Variants in BANK1 observed in about 807,000 individuals in gnomAD.
BANK1 encodes the protein B-cell scaffold protein with ankyrin repeats.
BANK1 carries 95 observed loss-of-function variants against 94.5 expected under a neutral mutation model. The ratio of observed to expected loss-of-function variants is 1.00; its 90% CI spans 0.85 to 1.19. BANK1 has a LOEUF of 1.19. Among genes scored for constraint, BANK1 ranks in the 50% most tolerant of loss-of-function variants. BANK1 has a pLI of 0.00. For missense variants in BANK1, 987 were observed against 932.2 expected (o/e 1.06, Z -0.77); for synonymous variants, 334 against 308.4 (o/e 1.08, Z -0.87).
intron 7 of BANK1, chr4:101,981,943 A>T (rs2148927775): frequency 6.6e-6 from 1 of 152,210 alleles, no homozygotes; most frequent in South Asian, 2.1e-4. Flanking sequence ...AAGCTAAACT[A>T]GGTATGTGGT....
At chr4:102,006,810 A>T (rs1453582557) in intron 7 of BANK1, among the ~76,000 whole-genome samples, 1 of 151,150 alleles carries the variant, frequency 6.6e-6, no homozygotes, top group Admixed American at 6.6e-5. Context: ...CCTGGCCCAC[A>T]CTTGTTTAGC....
chr4:101,816,973 T>C (rs1725941136), intron 1 of BANK1, among the ~76,000 whole-genome samples: 1 of 152,084 alleles, frequency 6.6e-6, no homozygotes, highest in Non-Finnish European at 1.5e-5. Flanking sequence ...GGATCTCCTA[T>C]TGAGAGTTGC....
At chr4:101,877,915 C>G (rs7679882) in intron 5 of BANK1, among the ~76,000 whole-genome samples, 69,503 of 151,884 alleles carry the variant, frequency 0.46, 17,250 homozygotes, top group African/African-American at 0.66. Flanking sequence ...TACTTTCAAT[C>G]CTCTTGGTTA....
chr4:102,006,662 C>T (rs1726269699), intron 7 of BANK1, among the ~76,000 whole-genome samples: 1 of 151,940 alleles, frequency 6.6e-6, no homozygotes. Flanking sequence ...TTTACCCATT[C>T]ACAAACAATT....
chr4:101,932,954 T>C (rs1723406760), intron 7 of BANK1, among the ~76,000 whole-genome samples: 1 of 151,534 alleles, frequency 6.6e-6, no homozygotes, highest in Non-Finnish European at 1.5e-5. Context: ...GGCTGTCTGA[T>C]ATTACTGTCT....
intron 7 of BANK1, among the ~76,000 whole-genome samples, chr4:101,922,620 T>C (rs1307870372): frequency 6.6e-6 from 1 of 151,850 alleles, no homozygotes; most frequent in South Asian, 2.1e-4. Context: ...ATATTTCCTA[T>C]ACTTGGAATT....
chr4:101,928,278 G>C (rs1015442100), intron 7 of BANK1, among the ~76,000 whole-genome samples: 2 of 151,634 alleles, frequency 1.3e-5, no homozygotes, highest in African/African-American at 2.4e-5. Context: ...GGAAACAAGA[G>C]TGAAGCATGA....
Position 101,900,024 on chromosome 4 carries a change from A to C in BANK1, c.1009+4614A>C, listed in dbSNP as rs975022265. On this transcript the variant is annotated intron_variant, in intron 6 of 16. Coordinates refer to ENST00000322953, the MANE Select transcript of BANK1 (RefSeq NM_017935.5). ...CTCTCAGCCCAATTCCATTACCATAACAACACATATTCTGAAATAATAGAG... is the reference window on the plus strand; with the variant it reads ...CTCTCAGCCCAATTCCATTACCATACCAACACATATTCTGAAATAATAGAG... 4.6e-5 allele frequency among the ~76,000 whole-genome samples: 7 copies of C among 152,188 alleles called. No homozygotes were observed. The South Asian group carries it at 8.3e-4, about 18-fold the overall frequency.
In BANK1 at chr4:102,025,230, A is replaced by G; in HGVS notation, c.1315A>G (p.Ser439Gly). 1 of 1,614,186 alleles carries G rather than the reference A, an allele frequency of 6.2e-7. No individual in the cohort carries two copies. Among genetic ancestry groups the G allele is most frequent in the Non-Finnish European group, 8.5e-7 (1 of 1,180,008 alleles). ...ACAGAACCCAGCATTTCATCATGAA[A>G]GCAGGAAGACATACGGGCAGAGTGC... ...STQNPAFHHE[S>G]RKTYGQSADG... Residue 439 changes from serine (S) to glycine (G), a missense_variant, in exon 9 of 17, where the codon AGC becomes GGC. Ser to Gly is a moderately conservative substitution (Grantham distance 56). Coordinates refer to ENST00000322953, the MANE Select transcript of BANK1 (RefSeq NM_017935.5).
chr4:101,940,758 C>T (rs1280292564), intron 7 of BANK1, among the ~76,000 whole-genome samples: 1 of 151,808 alleles, frequency 6.6e-6, no homozygotes, highest in African/African-American at 2.4e-5. Flanking sequence ...CTTATCACAT[C>T]ACATCATCTC....
At chr4:102,014,511 C>A (rs986803422) in intron 7 of BANK1, among the ~76,000 whole-genome samples, 1 of 152,064 alleles carries the variant, frequency 6.6e-6, no homozygotes, top group African/African-American at 2.4e-5. Flanking sequence ...CTAATTATTC[C>A]AAGTAGAATT....
intron 7 of BANK1, among the ~76,000 whole-genome samples, chr4:102,020,526 TA>T (rs1013036978): frequency 9.2e-5 from 14 of 151,734 alleles, no homozygotes; most frequent in South Asian, 2.1e-4. Context: ...CATTAGTGTT[TA>T]AAAAAAAATT....
In BANK1 at chr4:102,063,117, C is replaced by T. The variant is rs1315368374; in HGVS notation, c.2191C>T (p.Pro731Ser). The part of the protein sequence containing the change: ...QLRDCIIGKR[P>S]EEENVYNKLT... Reference sequence around the variant, plus strand: ...ACGAGACTGCATTATTGGGAAAAGGCCAGAAGAAGAAAATGTCTATAGTAA... The same window carrying T: ...ACGAGACTGCATTATTGGGAAAAGGTCAGAAGAAGAAAATGTCTATAGTAA... The change falls in exon 13 of 17, where the codon CCA (proline) becomes TCA (serine). Residue 731 changes from proline to serine, a missense_variant. Physicochemically the swap from Pro to Ser is moderately conservative, Grantham distance 74. Coordinates refer to ENST00000322953, the MANE Select transcript of BANK1 (RefSeq NM_017935.5). 1.2e-6 allele frequency: 2 copies of T among 1,612,908 alleles called. No homozygotes were observed. The highest frequency in any genetic ancestry group is 1.7e-6 in the Non-Finnish European group (2 of 1,179,298).
chr4:101,877,257 C>T, intron 5 of BANK1, among the ~76,000 whole-genome samples: 1 of 152,058 alleles, frequency 6.6e-6, no homozygotes, highest in Non-Finnish European at 1.5e-5. Context: ...GCATTTAATT[C>T]ACAAACTCCC....
chr4:101,990,558 A>G (rs1057154070), intron 7 of BANK1, among the ~76,000 whole-genome samples: 15 of 152,168 alleles, frequency 9.9e-5, no homozygotes, highest in African/African-American at 3.4e-4. Flanking sequence ...TTGACATGTG[A>G]AAGATGGAGT....
At chr4:101,834,500 T>C (rs966591498) in intron 2 of BANK1, among the ~76,000 whole-genome samples, 2 of 152,186 alleles carry the variant, frequency 1.3e-5, no homozygotes, top group Non-Finnish European at 1.5e-5. Context: ...TATATGTGGG[T>C]TGTGTCCTTT....
At chr4:101,989,323 C>G (rs768987182) in intron 7 of BANK1, among the ~76,000 whole-genome samples, 3 of 149,514 alleles carry the variant, frequency 2.0e-5, no homozygotes, top group Non-Finnish European at 1.5e-5. Flanking sequence ...CCCAGCTACT[C>G]AGGAGGCTGA....
intron 7 of BANK1, among the ~76,000 whole-genome samples, chr4:101,960,352 G>A (rs185021721): frequency 1.9e-4 from 29 of 152,172 alleles, no homozygotes; most frequent in Middle Eastern, 3.4e-3. Flanking sequence ...AATTGATAAC[G>A]TAAGATTAAA....
intron 3 of BANK1, among the ~76,000 whole-genome samples, chr4:101,860,591 C>T (rs183488787): frequency 5.3e-5 from 8 of 152,082 alleles, no homozygotes; most frequent in African/African-American, 9.6e-5. Flanking sequence ...CCACCATGCC[C>T]GGGTAATTTT....
Sources: allele counts gnomAD v4.1 joint callset (sites outside exome capture counted in the v4.1 genomes callset), GRCh38; gene constraint gnomAD v4.1.1; transcripts MANE v1.5; gene names NCBI Gene and HGNC (gene_info 2026-07-23, HGNC 2026-07-21).